The following FAM117A variants were observed in gnomAD, a reference collection of about 807,000 sequenced individuals.
The protein encoded by FAM117A is protein FAM117A.
A neutral mutation model predicts 44.1 loss-of-function variants in FAM117A; 21 were observed. That is an observed-to-expected ratio of 0.48 (90% confidence interval 0.34 to 0.69). The LOEUF is 0.69. FAM117A is among the 30% of genes least tolerant of loss of function. The probability of loss-of-function intolerance (pLI) is 0.01; values close to 1 mark genes in which losing one functional copy is unlikely to be tolerated. For missense variants in FAM117A, 498 were observed against 589.9 expected (o/e 0.84, Z 1.61); for synonymous variants, 220 against 238.3 (o/e 0.92, Z 0.71).
chr17:49,759,424 A>G (rs916136435), intron 1 of FAM117A, among the ~76,000 whole-genome samples: 3 of 152,222 alleles, frequency 2.0e-5, no homozygotes, highest in Non-Finnish European at 2.9e-5. Flanking sequence ...AACAGTTAGC[A>G]GTGTTGGGCT....
At chr17:49,785,838 C>T (rs1451933421) in intron 1 of FAM117A, among the ~76,000 whole-genome samples, 1 of 152,132 alleles carries the variant, frequency 6.6e-6, no homozygotes, top group Non-Finnish European at 1.5e-5. Context: ...TTAGGAGATG[C>T]ATCCAGGCAG....
intron 1 of FAM117A, among the ~76,000 whole-genome samples, chr17:49,777,842 AT>A (rs1019715912): frequency 6.6e-6 from 1 of 152,060 alleles, no homozygotes; most frequent in Non-Finnish European, 1.5e-5. Context: ...ACCTTCCGGG[AT>A]TTTCCCTTCT....
intron 1 of FAM117A, among the ~76,000 whole-genome samples, chr17:49,754,585 T>C (rs2073690691): frequency 6.6e-6 from 1 of 151,654 alleles, no homozygotes; most frequent in South Asian, 2.1e-4. Context: ...ATTACAGGCG[T>C]GAGCCACCGT....
intron 1 of FAM117A, among the ~76,000 whole-genome samples, chr17:49,757,708 G>C (rs890726821): frequency 1.3e-5 from 2 of 152,326 alleles, no homozygotes; most frequent in South Asian, 4.1e-4. Flanking sequence ...CCTGAGATCA[G>C]GATTTGTTTT....
intron 1 of FAM117A, among the ~76,000 whole-genome samples, chr17:49,754,537 G>A (rs142574364): frequency 0.02 from 2,959 of 151,614 alleles, 42 homozygotes; most frequent in Non-Finnish European, 0.03. Flanking sequence ...ATCTCCTGAC[G>A]TCATGATCCA....
At chr17:49,773,177 C>T (rs562953097) in intron 1 of FAM117A, among the ~76,000 whole-genome samples, 4 of 152,238 alleles carry the variant, frequency 2.6e-5, no homozygotes, top group Admixed American at 2.0e-4. Flanking sequence ...TGGTGGTGGG[C>T]GCCTATAATC....
At chr17:49,732,832 C>A in intron 1 of FAM117A, 112 bp from the exon 2 acceptor site, 2 of 1,121,128 alleles carry the variant, frequency 1.8e-6, no homozygotes, top group Non-Finnish European at 2.6e-6. Flanking sequence ...TCACTCATAT[C>A]CACCACTGTC....
chr17:49,788,733 A>G (rs1317293315), upstream of FAM117A: 2 of 1,324,862 alleles, frequency 1.5e-6, no homozygotes, highest in Non-Finnish European at 2.1e-6. Flanking sequence ...CGTCCGCAGG[A>G]TTGGGACTGA....
At chr17:49,784,745 C>A (rs2073800448) in intron 1 of FAM117A, among the ~76,000 whole-genome samples, 1 of 152,202 alleles carries the variant, frequency 6.6e-6, no homozygotes, top group South Asian at 2.1e-4. Flanking sequence ...CACTTCTGAA[C>A]CTTGCTTATC....
At chr17:49,764,486 A>C (rs866989653), upstream of FAM117A, among the ~76,000 whole-genome samples, 1 of 152,104 alleles carries the variant, frequency 6.6e-6, no homozygotes, top group Non-Finnish European at 1.5e-5. Context: ...GCTGAGCTGG[A>C]GAGTGGGCGC....
upstream of FAM117A, among the ~76,000 whole-genome samples, chr17:49,765,100 G>T (rs2073741342): frequency 6.6e-6 from 1 of 152,084 alleles, no homozygotes; most frequent in African/African-American, 2.4e-5. Context: ...AAAAGCACAT[G>T]ATATAATAAT....
At chr17:49,785,494 A>G (rs1367074609) in intron 1 of FAM117A, among the ~76,000 whole-genome samples, 2 of 152,190 alleles carry the variant, frequency 1.3e-5, no homozygotes, top group African/African-American at 4.8e-5. Flanking sequence ...CTGGGTGACA[A>G]GAGTGAGACA....
Position 49,722,536 on chromosome 17 carries a change from C to T in FAM117A, c.425G>A (p.Arg142His), listed in dbSNP as rs1025158775. ...GERASSCAHK[R>H]SASWGSTDHR... ...GTCTGTGCTGCCCCAGGATGCTGAG[C>T]GCTTGTGTGCACAGGAACTGGCACG... The change falls in exon 3 of 8, where the codon CGC (arginine) becomes CAC (histidine). Residue 142 changes from arginine (R) to histidine (H), a missense_variant. This residue lies in a region of FAM117A where 270 missense variants were observed against 277.4 expected (regional missense o/e 0.97). Coordinates refer to ENST00000240364, the MANE Select transcript of FAM117A (RefSeq NM_030802.4). 4.3e-6 allele frequency: 7 copies of T among 1,613,828 alleles called. No individual in the cohort carries two copies. The highest frequency in any genetic ancestry group is 3.3e-4 in the Middle Eastern group (2 of 6,084).
intron 1 of FAM117A, among the ~76,000 whole-genome samples, chr17:49,760,581 G>C (rs1277327401): frequency 6.6e-6 from 1 of 152,212 alleles, no homozygotes; most frequent in Non-Finnish European, 1.5e-5. Flanking sequence ...GGTCAGAGGA[G>C]GTTCCAAGGC....
intron 7 of FAM117A, among the ~76,000 whole-genome samples, chr17:49,714,010 A>G (rs1361978322): frequency 1.3e-5 from 2 of 152,078 alleles, no homozygotes; most frequent in African/African-American, 4.8e-5. Context: ...AAGAGTCCCA[A>G]TTTACGGAGG....
chr17:49,761,686 TA>T (rs1390041827), intron 1 of FAM117A, among the ~76,000 whole-genome samples: 1 of 152,134 alleles, frequency 6.6e-6, no homozygotes, highest in Non-Finnish European at 1.5e-5. Context: ...TCTACTGTCC[TA>T]GAAAAAACCA....
At chr17:49,773,878 C>T (rs1190261673) in intron 1 of FAM117A, among the ~76,000 whole-genome samples, 1 of 152,032 alleles carries the variant, frequency 6.6e-6, no homozygotes, top group Admixed American at 6.6e-5. Context: ...CTCAGCCTCC[C>T]GAATAGCTGG....
At chr17:49,719,945 C>G in intron 4 of FAM117A, 51 bp from the exon 5 acceptor site, 1 of 1,567,582 alleles carries the variant, frequency 6.4e-7, no homozygotes, top group Non-Finnish European at 8.6e-7. Context: ...CAGGCCTAGA[C>G]AGTCTTTCAT....
At chr17:49,718,216 C>A (rs2073514399) in intron 5 of FAM117A, among the ~76,000 whole-genome samples, 1 of 152,228 alleles carries the variant, frequency 6.6e-6, no homozygotes, top group Non-Finnish European at 1.5e-5. Flanking sequence ...TGTAGCTCAC[C>A]AAATTATGTG....
Sources: gnomAD v4.1 joint callset for allele counts (sites outside exome capture counted in the v4.1 genomes callset) on GRCh38, gnomAD v4.1.1 for gene constraint, gnomAD v4.1.1 regional missense constraint, MANE v1.5 for transcripts, NCBI Gene and HGNC (gene_info 2026-07-23, HGNC 2026-07-21) for gene names.